FOXP1: variants seen among roughly 807,000 people sequenced by gnomAD.
FOXP1 encodes forkhead box P1.
Under a neutral mutation model 98.2 loss-of-function variants are expected in FOXP1, and 15 were observed. That is an observed-to-expected ratio of 0.15 (90% CI 0.10 to 0.24). The LOEUF is 0.24. Among genes scored for constraint, FOXP1 ranks in the 10% least tolerant of loss-of-function variants. The probability of loss-of-function intolerance (pLI) is 1.00; values close to 1 mark genes in which losing one functional copy is unlikely to be tolerated. For synonymous variants in FOXP1, 371 were observed against 314.5 expected, an observed-to-expected ratio of 1.18 and a Z score of -1.90; for missense variants, 633 against 848.5, an observed-to-expected ratio of 0.75 and a Z score of 3.15.
At chr3:70,974,509 G>C (rs1270343863) in intron 17 of FOXP1, among the ~76,000 whole-genome samples, 2 of 151,998 alleles carry the variant, frequency 1.3e-5, no homozygotes, top group South Asian at 2.1e-4. Context: ...ATGTTGCCCA[G>C]GCTGATCTTG....
chr3:70,970,783 T>C lies in FOXP1; in HGVS notation c.1675A>G (p.Met559Val), dbSNP rs764023352. The change falls in exon 19 of 21, where the codon ATG (methionine) becomes GTG (valine). Residue 559 changes from methionine to valine, a missense_variant. Met to Val is a conservative substitution (Grantham distance 21). Coordinates refer to ENST00000649528, the MANE Select transcript of FOXP1 (RefSeq NM_001349338.3). ...ISGNPSLIKNMQSSHAYCTPL... is the reference protein window; with the variant it reads ...ISGNPSLIKNVQSSHAYCTPL... ...GTGCAGTAGGCGTGGCTGCTCTGCA[T>C]GTTTTTAATAAGGGAAGGGTTACTG... 6.8e-6 allele frequency: 11 copies of C among 1,613,942 alleles called. No individual in the cohort carries two copies. In the East Asian group the frequency reaches 2.2e-4, roughly 33 times the overall value.
chr3:71,186,192 G>A (rs761072327), intron 6 of FOXP1, among the ~76,000 whole-genome samples: 15 of 152,150 alleles, frequency 9.9e-5, no homozygotes, highest in Non-Finnish European at 1.8e-4. Flanking sequence ...CTTTGGCATG[G>A]AGCCAGGGCC....
intron 11 of FOXP1, among the ~76,000 whole-genome samples, chr3:71,021,734 G>A (rs1367240752): frequency 6.6e-6 from 1 of 152,126 alleles, no homozygotes; most frequent in East Asian, 1.9e-4. Context: ...CTAGGAAATG[G>A]TACCTTATTG....
chr3:71,103,569 G>A (rs189782168), intron 7 of FOXP1, among the ~76,000 whole-genome samples: 1 of 152,236 alleles, frequency 6.6e-6, no homozygotes, highest in East Asian at 1.9e-4. Context: ...ACCAAATGCT[G>A]TTATTCTAGG....
intron 11 of FOXP1, among the ~76,000 whole-genome samples, chr3:71,029,893 G>A (rs1048443118): frequency 6.6e-6 from 1 of 152,128 alleles, no homozygotes; most frequent in African/African-American, 2.4e-5. Context: ...TGCTCAATAC[G>A]TGTGGTATGA....
At chr3:71,437,334 G>A (rs1237364746) in intron 3 of FOXP1, among the ~76,000 whole-genome samples, 1 of 152,136 alleles carries the variant, frequency 6.6e-6, no homozygotes, top group East Asian at 1.9e-4. Flanking sequence ...TTGAACCTGG[G>A]AAGTTGAGGC....
At chr3:70,976,171 T>G (rs2037472471) in intron 17 of FOXP1, among the ~76,000 whole-genome samples, 13 of 150,204 alleles carry the variant, frequency 8.7e-5, no homozygotes, top group Admixed American at 8.6e-4. Flanking sequence ...CACCTCTGCC[T>G]CTGGAGTAGC....
At chr3:71,305,055 G>A (rs1417888737) in intron 4 of FOXP1, among the ~76,000 whole-genome samples, 11 of 152,068 alleles carry the variant, frequency 7.2e-5, no homozygotes, top group Non-Finnish European at 2.9e-5. Flanking sequence ...AAAGAAAGCA[G>A]AATACCCCCA....
intron 11 of FOXP1, among the ~76,000 whole-genome samples, chr3:71,017,537 T>C (rs2044687465): frequency 1.3e-5 from 2 of 151,732 alleles, no homozygotes; most frequent in South Asian, 4.2e-4. Flanking sequence ...TTCAAATACA[T>C]ACACACTTGA....
At chr3:71,556,572 G>A (rs1447676710) in intron 2 of FOXP1, among the ~76,000 whole-genome samples, 10 of 90,740 alleles carry the variant, frequency 1.1e-4, no homozygotes, top group African/African-American at 4.0e-4. Context: ...GCGAGACTCC[G>A]TCTCAAAAAA....
chr3:71,171,408 A>G (rs1576185355), intron 6 of FOXP1, among the ~76,000 whole-genome samples: 1 of 152,206 alleles, frequency 6.6e-6, no homozygotes, highest in Admixed American at 6.5e-5. Context: ...TCCTGGGGGA[A>G]CAATATCTGA....
chr3:71,023,450 C>G (rs2045699879), intron 11 of FOXP1, among the ~76,000 whole-genome samples: 1 of 152,188 alleles, frequency 6.6e-6, no homozygotes, highest in South Asian at 2.1e-4. Context: ...AATTTTAGCC[C>G]TATCTACTAA....
At chr3:71,379,247 A>G (rs2079959507) in intron 3 of FOXP1, among the ~76,000 whole-genome samples, 1 of 152,112 alleles carries the variant, frequency 6.6e-6, no homozygotes, top group Non-Finnish European at 1.5e-5. Flanking sequence ...ATATTTCCTA[A>G]GGCTCCAGAC....
chr3:70,998,929 T>C, intron 13 of FOXP1, among the ~76,000 whole-genome samples: 1 of 152,182 alleles, frequency 6.6e-6, no homozygotes, highest in East Asian at 1.9e-4. Flanking sequence ...CTCTAATCTG[T>C]AGTCTAGAAA....
At chr3:71,391,878 A>T (rs895700157) in intron 3 of FOXP1, among the ~76,000 whole-genome samples, 1 of 152,192 alleles carries the variant, frequency 6.6e-6, no homozygotes, top group African/African-American at 2.4e-5. Context: ...GGATCAGGAC[A>T]CTTTTACTAC....
At chr3:71,471,401 A>C (rs564273163) in intron 3 of FOXP1, among the ~76,000 whole-genome samples, 1 of 152,280 alleles carries the variant, frequency 6.6e-6, no homozygotes, top group South Asian at 2.1e-4. Context: ...AGGTTTGTCA[A>C]TGGGAATATT....
intron 3 of FOXP1, among the ~76,000 whole-genome samples, chr3:71,481,890 C>T: frequency 6.6e-6 from 1 of 152,082 alleles, no homozygotes; most frequent in East Asian, 1.9e-4. Context: ...TCTACCTAGG[C>T]CTCCGTTTTA....
intron 6 of FOXP1, among the ~76,000 whole-genome samples, chr3:71,190,819 T>C (rs1489962885): frequency 6.6e-6 from 1 of 152,048 alleles, no homozygotes; most frequent in South Asian, 2.1e-4. Context: ...GGGGAGATAA[T>C]GTGGCTCTAT....
At chr3:71,533,712 C>T (rs1326827445) in intron 2 of FOXP1, among the ~76,000 whole-genome samples, 1 of 152,150 alleles carries the variant, frequency 6.6e-6, no homozygotes, top group East Asian at 1.9e-4. Context: ...ATTGGGATGA[C>T]ATGCAAAACA....
Sources: allele counts gnomAD v4.1 joint callset (sites outside exome capture counted in the v4.1 genomes callset), GRCh38; gene constraint gnomAD v4.1.1; transcripts MANE v1.5; gene names NCBI Gene and HGNC (gene_info 2026-07-23, HGNC 2026-07-21).